The following UVRAG variants were observed in gnomAD, a reference collection of about 807,000 sequenced individuals.
The protein encoded by UVRAG is UV radiation resistance associated.
Under a neutral mutation model 78.0 loss-of-function variants are expected in UVRAG, and 19 were observed. The ratio of observed to expected loss-of-function variants is 0.24; its 90% CI spans 0.17 to 0.36. The LOEUF is 0.36. UVRAG is among the 10% of genes least tolerant of loss of function. UVRAG has a pLI of 1.00. For synonymous variants in UVRAG, 323 were observed against 324.6 expected (o/e 1.00, Z 0.05); for missense variants, 740 against 853.8 (o/e 0.87, Z 1.66).
intron 1 of UVRAG, among the ~76,000 whole-genome samples, chr11:75,848,557 T>A (rs1208603593): frequency 6.6e-6 from 1 of 152,246 alleles, no homozygotes; most frequent in Non-Finnish European, 1.5e-5. Flanking sequence ...TGCAGAGATC[T>A]CTTTGATAAT....
At chr11:75,987,787 A>T (rs1949530182) in intron 8 of UVRAG, among the ~76,000 whole-genome samples, 1 of 149,860 alleles carries the variant, frequency 6.7e-6, no homozygotes, top group African/African-American at 2.5e-5. Flanking sequence ...CCCAGACTGG[A>T]GTAAAATGGC....
At chr11:76,036,757 T>C (rs1950543311) in intron 12 of UVRAG, among the ~76,000 whole-genome samples, 1 of 150,646 alleles carries the variant, frequency 6.6e-6, no homozygotes, top group African/African-American at 2.4e-5. Context: ...ACAGACAATA[T>C]TAAGAACAAA....
At chr11:75,862,514 C>T (rs1946444977) in intron 3 of UVRAG, among the ~76,000 whole-genome samples, 1 of 152,182 alleles carries the variant, frequency 6.6e-6, no homozygotes, top group Admixed American at 6.5e-5. Context: ...TCATCTCCTC[C>T]TCTTTTCCGC....
intron 12 of UVRAG, among the ~76,000 whole-genome samples, chr11:76,049,651 C>T (rs111579141): frequency 5.6e-4 from 85 of 152,302 alleles, no homozygotes; most frequent in African/African-American, 1.9e-3. Flanking sequence ...GAAGTAGCTC[C>T]GCCACTTCTA....
At chr11:75,830,484 G>T (rs1353409094) in intron 1 of UVRAG, among the ~76,000 whole-genome samples, 1 of 151,734 alleles carries the variant, frequency 6.6e-6, no homozygotes, top group Non-Finnish European at 1.5e-5. Context: ...TGTTAGCCAG[G>T]ATGGTGTCCA....
chr11:75,917,461 C>A (rs1947881925), intron 6 of UVRAG, among the ~76,000 whole-genome samples: 1 of 152,176 alleles, frequency 6.6e-6, no homozygotes, highest in African/African-American at 2.4e-5. Context: ...TGTGAGCTTA[C>A]TAGGACTCTT....
At chr11:75,877,734 G>T (rs1225819854) in intron 3 of UVRAG, among the ~76,000 whole-genome samples, 1 of 142,644 alleles carries the variant, frequency 7.0e-6, no homozygotes, top group Non-Finnish European at 1.5e-5. Context: ...CCGGGCGGGG[G>T]GCTGACCCCC....
At chr11:75,820,571 T>C (rs1208452205) in intron 1 of UVRAG, among the ~76,000 whole-genome samples, 1 of 152,078 alleles carries the variant, frequency 6.6e-6, no homozygotes, top group Admixed American at 6.6e-5. Flanking sequence ...GCCAGGCTGG[T>C]CTTGAACTCC....
At chr11:76,050,818 G>T (rs1445056658) in intron 12 of UVRAG, among the ~76,000 whole-genome samples, 1 of 152,104 alleles carries the variant, frequency 6.6e-6, no homozygotes, top group African/African-American at 2.4e-5. Context: ...CTTAAAGATT[G>T]CTATTATTAA....
chr11:75,903,100 C>T (rs1235144397), intron 5 of UVRAG, among the ~76,000 whole-genome samples: 1 of 151,954 alleles, frequency 6.6e-6, no homozygotes, highest in Non-Finnish European at 1.5e-5. Context: ...CCACCTTCCT[C>T]CTCCTCCTCT....
At chr11:75,898,295 G>A (rs1947396616) in intron 5 of UVRAG, among the ~76,000 whole-genome samples, 1 of 152,192 alleles carries the variant, frequency 6.6e-6, no homozygotes, top group Non-Finnish European at 1.5e-5. Flanking sequence ...GAGGGGCAAA[G>A]TGACTTCCTT....
At chr11:75,969,694 A>C (rs1231859334) in intron 7 of UVRAG, among the ~76,000 whole-genome samples, 1 of 152,198 alleles carries the variant, frequency 6.6e-6, no homozygotes, top group African/African-American at 2.4e-5. Flanking sequence ...TCTTTAACAG[A>C]TGATCATACC....
chr11:76,121,701 A>C (rs575586098), intron 14 of UVRAG, among the ~76,000 whole-genome samples: 293 of 152,240 alleles, frequency 1.9e-3, no homozygotes, highest in Non-Finnish European at 3.0e-3. Flanking sequence ...ACAGACCCCC[A>C]GGCATAGCAC....
chr11:75,875,368 A>T (rs1946744028), intron 3 of UVRAG, among the ~76,000 whole-genome samples: 1 of 151,534 alleles, frequency 6.6e-6, no homozygotes, highest in African/African-American at 2.4e-5. Context: ...GAGTATTTTC[A>T]TTGGGTGGAT....
intron 12 of UVRAG, among the ~76,000 whole-genome samples, chr11:76,065,011 G>A (rs186055281): frequency 2.6e-5 from 4 of 152,252 alleles, no homozygotes; most frequent in Admixed American, 2.0e-4. Flanking sequence ...TTCTTCATTT[G>A]CAGGTGTAAA....
In UVRAG at chr11:76,083,620, C is replaced by G. The variant is rs564978677; in HGVS notation, c.1305+17832C>G. ...TAATACACTAATTGTGGTGGTCACT[C>G]TATACAAAGTTTGCTGAACTATGAC... On this transcript the variant is annotated intron_variant, in intron 13 of 14. Coordinates refer to ENST00000356136, the MANE Select transcript of UVRAG (RefSeq NM_003369.4). Among the ~76,000 whole-genome samples the G allele has an allele frequency of 3.9e-3, 601 of 152,220 alleles. 2 individuals carry two copies. Among genetic ancestry groups the G allele is most frequent in the African/African-American group, 0.013 (549 of 41,546 alleles).
intron 14 of UVRAG, among the ~76,000 whole-genome samples, chr11:76,131,616 C>G (rs899861057): frequency 1.3e-5 from 2 of 152,128 alleles, no homozygotes; most frequent in African/African-American, 4.8e-5. Context: ...AGCAAAGCCC[C>G]GGGGGAAAAG....
intron 2 of UVRAG, among the ~76,000 whole-genome samples, chr11:75,852,450 G>T (rs1946175109): frequency 6.6e-6 from 1 of 151,894 alleles, no homozygotes; most frequent in African/African-American, 2.4e-5. Flanking sequence ...TTTATATATT[G>T]TACTGTGGAT....
intron 3 of UVRAG, among the ~76,000 whole-genome samples, chr11:75,877,344 C>T (rs979165725): frequency 2.0e-5 from 3 of 152,172 alleles, no homozygotes; most frequent in Non-Finnish European, 2.9e-5. Context: ...CATCATGGCC[C>T]GTTCTCAATG....
Sources: allele counts gnomAD v4.1 joint callset (sites outside exome capture counted in the v4.1 genomes callset), GRCh38; gene constraint gnomAD v4.1.1; transcripts MANE v1.5; gene names NCBI Gene and HGNC (gene_info 2026-07-23, HGNC 2026-07-21).